Variants in BCAS3 observed in about 807,000 individuals in gnomAD.
The protein encoded by BCAS3 is BCAS3 microtubule associated cell migration factor, also known as BCAS4/BCAS3 fusion.
Under a neutral mutation model 116.1 loss-of-function variants are expected in BCAS3, and 53 were observed. The ratio of observed to expected loss-of-function variants is 0.46; its 90% CI spans 0.37 to 0.57. The LOEUF (loss-of-function observed/expected upper bound fraction) is 0.57. BCAS3 is among the 20% of genes least tolerant of loss of function. The pLI is 0.00. For missense variants in BCAS3, 917 were observed against 1,165.4 expected (o/e 0.79, Z 3.10); for synonymous variants, 391 against 408.2 (o/e 0.96, Z 0.51).
chr17:61,290,997 A>G (rs150282042), intron 22 of BCAS3, among the ~76,000 whole-genome samples: 8,920 of 151,900 alleles, frequency 0.059, 304 homozygotes, highest in Non-Finnish European at 0.084. Context: ...AGCCAGGATG[A>G]TCTCGATCTC....
In BCAS3 at chr17:60,960,260, AT is replaced by A. The variant is rs1025932000; in HGVS notation, c.1221+12916del. On this transcript the variant is annotated intron_variant, in intron 14 of 23. Transcript: ENST00000407086. This position sits in a 1 kb window ranked among gnomAD's most constrained non-coding sequence, Gnocchi z 4.1. ...ATTACAGCATCAACTCTAAGTCTAAATTTTTTTTAAAAATATTATCGGCTCA... is the reference window on the plus strand; with the variant it reads ...ATTACAGCATCAACTCTAAGTCTAAATTTTTTTAAAAATATTATCGGCTCA... Among the ~76,000 whole-genome samples the A allele has an allele frequency of 6.6e-6, 1 of 152,078 alleles. No homozygotes were observed.
At chr17:60,743,696 G>C (rs961110166) in intron 5 of BCAS3, among the ~76,000 whole-genome samples, 5 of 152,100 alleles carry the variant, frequency 3.3e-5, no homozygotes, top group African/African-American at 1.2e-4. Context: ...CAGAAGTTTA[G>C]AAATAAGTTT....
At chr17:61,331,910 A>G (rs1046920663) in intron 22 of BCAS3, among the ~76,000 whole-genome samples, 5 of 152,196 alleles carry the variant, frequency 3.3e-5, no homozygotes, top group African/African-American at 1.2e-4. Context: ...TTATCTGCCC[A>G]TAACTGAGCC....
At chr17:61,369,719 G>A (rs959932209) in intron 23 of BCAS3, among the ~76,000 whole-genome samples, 4 of 152,230 alleles carry the variant, frequency 2.6e-5, no homozygotes, top group Admixed American at 6.5e-5. Flanking sequence ...TAGGTGCAAG[G>A]GAGGAAGAGG....
chr17:61,114,789 C>G (rs2143762815), intron 22 of BCAS3, among the ~76,000 whole-genome samples: 2 of 149,450 alleles, frequency 1.3e-5, no homozygotes, highest in East Asian at 2.0e-4. Context: ...CAAGGCAATC[C>G]TAAGCCAAAA....
intron 13 of BCAS3, among the ~76,000 whole-genome samples, chr17:60,938,954 A>T (rs1006668711): frequency 2.0e-5 from 3 of 152,214 alleles, no homozygotes; most frequent in African/African-American, 7.2e-5. Context: ...TGGTGAAGTT[A>T]TGGAGCTTGT....
At chr17:61,158,004 T>C (rs755768301) in intron 22 of BCAS3, among the ~76,000 whole-genome samples, 24 of 152,226 alleles carry the variant, frequency 1.6e-4, no homozygotes, top group Non-Finnish European at 7.3e-5. Flanking sequence ...TTCTTTACCA[T>C]GTATGACTAG....
At chr17:60,931,463 G>A (rs764058610) in intron 13 of BCAS3, among the ~76,000 whole-genome samples, 20 of 151,866 alleles carry the variant, frequency 1.3e-4, no homozygotes, top group Non-Finnish European at 4.4e-5. Context: ...TTTTAGTAGC[G>A]ATGGCATTTC....
Position 61,188,903 on chromosome 17 carries a change from G to T in BCAS3, c.2425+104339G>T, listed in dbSNP as rs1329863889. ...AGGTGGGAGGAGCCTGGGAGGTTGA[G>T]ACCAGTCTGAGCAACATAGTGAGAC... On this transcript the variant is annotated intron_variant, in intron 22 of 23. Transcript: ENST00000407086. This position sits in a 1 kb window ranked among gnomAD's most constrained non-coding sequence, Gnocchi z 4.0. Among the ~76,000 whole-genome samples the T allele has an allele frequency of 1.3e-5, 2 of 152,136 alleles. No homozygotes were observed. Among genetic ancestry groups the T allele is most frequent in the Non-Finnish European group, 2.9e-5 (2 of 68,032 alleles).
intron 9 of BCAS3, among the ~76,000 whole-genome samples, chr17:60,886,786 G>A (rs923789949): frequency 3.3e-5 from 5 of 152,090 alleles, no homozygotes; most frequent in African/African-American, 1.2e-4. Context: ...CCCACTTGAG[G>A]AGGCAGTCTG....
chr17:61,284,676 T>C (rs559081982), intron 22 of BCAS3, among the ~76,000 whole-genome samples: 84 of 151,694 alleles, frequency 5.5e-4, no homozygotes, highest in Non-Finnish European at 8.8e-4. Flanking sequence ...TTTTTTTTTT[T>C]CCCTCCTGCT....
rs187791580 is a variant in BCAS3, at chr17:60,699,817, C to T, written c.215-9402C>T. Among the ~76,000 whole-genome samples the T allele has an allele frequency of 1.5e-4, 22 of 147,656 alleles. No homozygotes were observed. The East Asian group carries it at 2.4e-3, about 16-fold the overall frequency. Reference sequence around the variant, plus strand: ...GGTAGGGATTGCAGTGAGCCGAGATCGAGCCACTGCACTCCAGCCTGGGCG... The same window carrying T: ...GGTAGGGATTGCAGTGAGCCGAGATTGAGCCACTGCACTCCAGCCTGGGCG... On this transcript the variant is annotated intron_variant, in intron 4 of 23. Transcript: ENST00000407086.
chr17:60,679,212 G>T (rs1185583595), intron 1 of BCAS3, among the ~76,000 whole-genome samples: 1 of 152,094 alleles, frequency 6.6e-6, no homozygotes, highest in Non-Finnish European at 1.5e-5. Flanking sequence ...GCGACAGAGC[G>T]AGACTCTATC....
chr17:60,957,695 TC>T (rs1345011431), intron 14 of BCAS3, among the ~76,000 whole-genome samples: 3 of 152,142 alleles, frequency 2.0e-5, no homozygotes, highest in African/African-American at 7.2e-5. Flanking sequence ...TTTTCCCTGC[TC>T]CCCTATATAC....
chr17:60,896,788 T>A (rs926040029), intron 10 of BCAS3, among the ~76,000 whole-genome samples: 3 of 152,206 alleles, frequency 2.0e-5, no homozygotes, highest in Non-Finnish European at 4.4e-5. Flanking sequence ...TTAGTTATTC[T>A]GTCTCTTTTA....
chr17:61,081,674 A>G (rs546701829), intron 21 of BCAS3, among the ~76,000 whole-genome samples: 1 of 152,326 alleles, frequency 6.6e-6, no homozygotes, highest in South Asian at 2.1e-4. Context: ...AGCAGTTTTT[A>G]TGGGAAATAT....
chr17:60,710,995 G>T (rs1598221151), intron 5 of BCAS3, among the ~76,000 whole-genome samples: 1 of 151,676 alleles, frequency 6.6e-6, no homozygotes, highest in South Asian at 2.1e-4. Context: ...TGGAGACAGG[G>T]TCCTACTGTG....
At chr17:60,912,990 AT>A (rs771899448) in intron 12 of BCAS3, among the ~76,000 whole-genome samples, 30 of 152,262 alleles carry the variant, frequency 2.0e-4, no homozygotes, top group Admixed American at 4.6e-4. Context: ...ATGGGGACAT[AT>A]AATTATATTA....
intron 12 of BCAS3, among the ~76,000 whole-genome samples, chr17:60,910,917 C>T (rs2058460483): frequency 1.3e-5 from 2 of 151,936 alleles, no homozygotes; most frequent in Admixed American, 6.6e-5. Flanking sequence ...AAGGTAAAGT[C>T]GAGGTTCTAA....
Sources: gnomAD v4.1 joint callset for allele counts (sites outside exome capture counted in the v4.1 genomes callset) on GRCh38, gnomAD v4.1.1 for gene constraint, Gnocchi (gnomAD v3.1) non-coding constraint, MANE v1.5 for transcripts, NCBI Gene and HGNC (gene_info 2026-07-23, HGNC 2026-07-21) for gene names.